MAPK8: variants seen among roughly 807,000 people sequenced by gnomAD.
MAPK8 encodes the protein JUN N-terminal kinase.
Under a neutral mutation model 52.9 loss-of-function variants are expected in MAPK8, and 13 were observed. The observed-to-expected ratio is 0.25, with a 90% CI of 0.16 to 0.39. The LOEUF (loss-of-function observed/expected upper bound fraction) is 0.39. Ranked by LOEUF, MAPK8 falls within the 10% of genes least tolerant of loss-of-function variation. The probability of loss-of-function intolerance (pLI) is 1.00; values close to 1 mark genes in which losing one functional copy is unlikely to be tolerated. For synonymous variants in MAPK8, 191 were observed against 169.8 expected (o/e 1.12, Z -0.97); for missense variants, 300 against 519.2 (o/e 0.58, Z 4.10).
intron 1 of MAPK8, among the ~76,000 whole-genome samples, chr10:48,351,045 G>A (rs1199224905): frequency 1.3e-5 from 2 of 152,046 alleles, no homozygotes; most frequent in African/African-American, 4.8e-5. Context: ...AAATACCTAG[G>A]AATACATCTT....
At chr10:48,426,209 G>GT in intron 8 of MAPK8, 139 bp downstream of exon 8, 2 of 937,964 alleles carry the variant, frequency 2.1e-6, no homozygotes, top group Non-Finnish European at 1.5e-6. Context: ...AAAAAATGAG[G>GT]TTTTTGTTTT....
intron 10 of MAPK8, among the ~76,000 whole-genome samples, chr10:48,428,819 T>G (rs984080553): frequency 3.3e-5 from 5 of 152,120 alleles, no homozygotes; most frequent in Admixed American, 3.3e-4. Flanking sequence ...TGGTTGTTTT[T>G]TTTGTTTGTT....
intron 1 of MAPK8, among the ~76,000 whole-genome samples, chr10:48,332,157 G>C (rs1245060984): frequency 6.6e-6 from 1 of 152,156 alleles, no homozygotes; most frequent in East Asian, 1.9e-4. Flanking sequence ...CTGTTGGAAG[G>C]GGAAAGGCTT....
Position 48,350,272 on chromosome 10 carries a change from G to A in MAPK8, c.-50+43451G>A, listed in dbSNP as rs559704034. Among the ~76,000 whole-genome samples, 84 of 152,260 alleles carry A rather than the reference G, an allele frequency of 5.5e-4. 2 individuals carry two copies. The South Asian group carries it at 0.017, about 31-fold the overall frequency. ...ACTTCTCCGTAACTCATTTTATGAG[G>A]CCAGCATTATCCTGATACCAAAACC... On this transcript the variant is annotated intron_variant, in intron 1 of 11. Coordinates refer to ENST00000374189, the MANE Select transcript of MAPK8 (RefSeq NM_001323329.2).
intron 1 of MAPK8, among the ~76,000 whole-genome samples, chr10:48,396,702 A>G (rs2041905043): frequency 6.6e-6 from 1 of 152,222 alleles, no homozygotes; most frequent in Non-Finnish European, 1.5e-5. Context: ...ACATTCATAC[A>G]ATGAATAATA....
chr10:48,391,683 A>G lies in MAPK8; in HGVS notation c.-49-9929A>G, dbSNP rs371891590. 1.8e-3 allele frequency among the ~76,000 whole-genome samples: 278 copies of G among 152,222 alleles called. 12 individuals carry two copies. In the South Asian group the frequency reaches 0.057, roughly 31 times the overall value. ...AAGTGTCTTCCAATTCCATTCTGAC[A>G]CTAGTTACCTGGAGATAGCATGAGA... On this transcript the variant is annotated intron_variant, in intron 1 of 11. Transcript: ENST00000374189.
intron 1 of MAPK8, among the ~76,000 whole-genome samples, chr10:48,388,848 G>A (rs908953737): frequency 6.6e-6 from 1 of 152,112 alleles, no homozygotes; most frequent in Non-Finnish European, 1.5e-5. Flanking sequence ...TACTACCTTA[G>A]TATAGAGGAG....
chr10:48,403,146 A>G (rs2042244885), intron 2 of MAPK8, among the ~76,000 whole-genome samples: 1 of 152,180 alleles, frequency 6.6e-6, no homozygotes, highest in South Asian at 2.1e-4. Context: ...TTGACCTATA[A>G]TATTATATTT....
intron 1 of MAPK8, among the ~76,000 whole-genome samples, chr10:48,364,446 A>AG (rs1847847326): frequency 6.6e-6 from 1 of 152,116 alleles, no homozygotes; most frequent in Non-Finnish European, 1.5e-5. Flanking sequence ...TTTAAAAAAA[A>AG]AAACTGAATT....
At chr10:48,382,888 G>GTA (rs1025396617) in intron 1 of MAPK8, among the ~76,000 whole-genome samples, 11 of 141,844 alleles carry the variant, frequency 7.8e-5, no homozygotes, top group South Asian at 4.4e-4. Flanking sequence ...CTAGCTATGT[G>GTA]TATATATATA....
At position 48,439,180 on chromosome 10, in the gene MAPK8, C is replaced by T. The variant is rs1285509025; in HGVS notation, c.*4151C>T. On this transcript the variant is annotated 3_prime_UTR_variant, in exon 12 of 12. Coordinates refer to ENST00000374189, the MANE Select transcript of MAPK8 (RefSeq NM_001323329.2). Reference sequence around the variant, plus strand: ...CCTGTGTTCCGTTCCCTCTCCTTTCCTCTAGACAAAACAAAATGGGGCACT... The same window carrying T: ...CCTGTGTTCCGTTCCCTCTCCTTTCTTCTAGACAAAACAAAATGGGGCACT... 8 of 151,586 alleles carry T rather than the reference C, an allele frequency of 5.3e-5. No homozygotes were observed. The highest frequency in any genetic ancestry group is 1.2e-4 in the Non-Finnish European group (8 of 67,974). 9.4% of individuals were successfully genotyped at this position (151,586 alleles called of 1,614,324 possible).
intron 8 of MAPK8, 139 bp from the exon 9 acceptor site, chr10:48,426,241 T>A: frequency 1.1e-6 from 1 of 870,314 alleles, no homozygotes; most frequent in Non-Finnish European, 1.6e-6. Context: ...ATCTTATATA[T>A]TTTAATCATA....
intron 1 of MAPK8, among the ~76,000 whole-genome samples, chr10:48,351,440 G>C (rs1015488276): frequency 2.6e-5 from 4 of 151,572 alleles, no homozygotes; most frequent in Admixed American, 6.6e-5. Flanking sequence ...CAAACTGCTG[G>C]GCTAAGCGAT....
intron 1 of MAPK8, among the ~76,000 whole-genome samples, chr10:48,385,783 G>T (rs191390331): frequency 1.3e-5 from 2 of 151,952 alleles, no homozygotes; most frequent in Admixed American, 6.6e-5. Context: ...GTCATATTTG[G>T]TTATCATAAT....
intron 11 of MAPK8, among the ~76,000 whole-genome samples, chr10:48,431,907 T>C (rs1427883333): frequency 1.3e-5 from 2 of 152,230 alleles, no homozygotes; most frequent in Non-Finnish European, 2.9e-5. Context: ...TTATATACTT[T>C]ATTTCATTCA....
At chr10:48,397,653 C>T (rs2041956317) in intron 1 of MAPK8, among the ~76,000 whole-genome samples, 1 of 152,058 alleles carries the variant, frequency 6.6e-6, no homozygotes, top group Admixed American at 6.5e-5. Flanking sequence ...TGCAGTGGTA[C>T]GATCTTGGCT....
At chr10:48,341,157 T>C (rs997214186) in intron 1 of MAPK8, among the ~76,000 whole-genome samples, 1 of 152,256 alleles carries the variant, frequency 6.6e-6, no homozygotes, top group African/African-American at 2.4e-5. Context: ...ACTGCTGTTC[T>C]AAAATAAACT....
intron 5 of MAPK8, among the ~76,000 whole-genome samples, chr10:48,418,599 G>C (rs954836995): frequency 6.6e-6 from 1 of 152,120 alleles, no homozygotes; most frequent in Non-Finnish European, 1.5e-5. Context: ...AACTACCCAC[G>C]TGCCCTTGCC....
chr10:48,428,571 T>C (rs12254206), intron 10 of MAPK8, among the ~76,000 whole-genome samples: 3,472 of 152,324 alleles, frequency 0.023, 141 homozygotes, highest in African/African-American at 0.079. Flanking sequence ...GATTTAGAGA[T>C]TGGTTTTCTC....
Sources: allele counts gnomAD v4.1 joint callset (sites outside exome capture counted in the v4.1 genomes callset), GRCh38; gene constraint gnomAD v4.1.1; transcripts MANE v1.5; gene names NCBI Gene and HGNC (gene_info 2026-07-23, HGNC 2026-07-21).